The following KNL1 variants were observed in gnomAD, a reference collection of about 807,000 sequenced individuals.
KNL1 encodes outer kinetochore KNL1 complex subunit KNL1.
A neutral mutation model predicts 201.3 loss-of-function variants in KNL1; 66 were observed. The observed-to-expected ratio is 0.33, with a 90% CI of 0.27 to 0.40. KNL1 has a LOEUF of 0.40. Ranked by LOEUF, KNL1 falls within the 10% of genes least tolerant of loss-of-function variation. The pLI, the probability that KNL1 is intolerant of heterozygous loss-of-function variation, is 1.00. For synonymous variants in KNL1, 895 were observed against 899.2 expected, an observed-to-expected ratio of 1.00 and a Z score of 0.08; for missense variants, 2,815 against 2,690.5, an observed-to-expected ratio of 1.05 and a Z score of -1.02.
chr15:40,602,304 T>TTG, intron 1 of KNL1, among the ~76,000 whole-genome samples: 1 of 47,860 alleles, frequency 2.1e-5, no homozygotes, highest in South Asian at 8.8e-4. Context: ...AAGTGCTGTA[T>TTG]TTTTTTTTTT....
intron 21 of KNL1, among the ~76,000 whole-genome samples, chr15:40,652,760 C>CAAA (rs3986318): frequency 0.25 from 29,481 of 116,264 alleles, 4,802 homozygotes; most frequent in Middle Eastern, 0.39. Context: ...AAAACTGTCT[C>CAAA]AAAAAAAAAA....
chr15:40,602,480 CTTTT>C (rs34192317), intron 1 of KNL1, among the ~76,000 whole-genome samples: 11 of 79,144 alleles, frequency 1.4e-4, no homozygotes, highest in Non-Finnish European at 2.3e-4. Context: ...TTTTTCCTTC[CTTTT>C]TTTTTTTTTT....
chr15:40,654,936 A>G lies in KNL1; in HGVS notation c.6443A>G (p.Tyr2148Cys). Residue 2148 changes from tyrosine (Y) to cysteine (C), a missense_variant, in exon 22 of 26, where the codon TAT (tyrosine) becomes TGT (cysteine). Physicochemically the swap from Tyr to Cys is radical, Grantham distance 194. Around this residue, in one of 3 missense-constraint regions of KNL1, gnomAD observed 334 missense variants for 362.6 expected, o/e 0.92. Transcript: ENST00000399668. ...VVGFPFLDKR[Y>C]RKIVDVNFQS... ...GGTTTCCCTTTCCTGGACAAGCGTTATAGGAAGATTGTTGATGTCAATTTT... is the reference window on the plus strand; with the variant it reads ...GGTTTCCCTTTCCTGGACAAGCGTTGTAGGAAGATTGTTGATGTCAATTTT... The G allele has an allele frequency of 2.5e-6, 4 of 1,613,106 alleles. No individual in the cohort carries two copies. Among genetic ancestry groups the G allele is most frequent in the East Asian group, 2.2e-5 (1 of 44,882 alleles).
intron 1 of KNL1, among the ~76,000 whole-genome samples, chr15:40,598,371 A>G (rs1001927594): frequency 6.6e-6 from 1 of 152,006 alleles, no homozygotes; most frequent in Non-Finnish European, 1.5e-5. Context: ...GGAGCTCATG[A>G]CAAGCCTGGG....
At chr15:40,617,306 G>T (rs1444575757) in intron 8 of KNL1, among the ~76,000 whole-genome samples, 3 of 152,160 alleles carry the variant, frequency 2.0e-5, no homozygotes, top group Non-Finnish European at 4.4e-5. Flanking sequence ...ACTCCAGTTT[G>T]CCTATCAGGC....
chr15:40,628,768 A>G, intron 12 of KNL1, 90 bp downstream of exon 12: 2 of 808,318 alleles, frequency 2.5e-6, no homozygotes, highest in Non-Finnish European at 3.8e-6. Context: ...CTTGGTTTAA[A>G]AAATTTTTTT....
At chr15:40,647,642 G>A (rs529128992) in intron 17 of KNL1, among the ~76,000 whole-genome samples, 1 of 152,144 alleles carries the variant, frequency 6.6e-6, no homozygotes, top group African/African-American at 2.4e-5. Flanking sequence ...TATCCTTTCA[G>A]TTTGGTCTTT....
At chr15:40,642,443 T>A (rs1269024920) in intron 14 of KNL1, among the ~76,000 whole-genome samples, 4 of 152,098 alleles carry the variant, frequency 2.6e-5, no homozygotes, top group Admixed American at 1.3e-4. Context: ...AATCAGAAAT[T>A]TAAGATATTT....
At position 40,625,491 on chromosome 15, in the gene KNL1, C is replaced by G; in HGVS notation, c.5227C>G (p.Gln1743Glu). The G allele has an allele frequency of 6.2e-7, 1 of 1,612,542 alleles. No individual in the cohort carries two copies. The highest frequency in any genetic ancestry group is 8.5e-7 in the Non-Finnish European group (1 of 1,179,648). ...GGAAAAGGCCTTGATTGAGACATACCAAAAAGAGATTTCACCATATGAAAA... is the reference window on the plus strand; with the variant it reads ...GGAAAAGGCCTTGATTGAGACATACGAAAAAGAGATTTCACCATATGAAAA... ...TEEKALIETY[Q>E]KEISPYENKM... The change falls in exon 10 of 26, where the codon CAA becomes GAA. Residue 1743 changes from glutamine (Q) to glutamate (E), a missense_variant. By Grantham distance (29) the Gln-to-Glu change is conservative. Transcript: ENST00000399668.
chr15:40,621,580 T>C lies in KNL1; in HGVS notation c.1316T>C (p.Met439Thr). The C allele has an allele frequency of 6.2e-7, 1 of 1,609,606 alleles. No homozygotes were observed. ...TCTAGTTGTAATGATGCCATGGAAA[T>C]GACCAAATGTCTCTCAAATATGAGA... Reference protein sequence around the residue: ...FYSSCNDAMEMTKCLSNMREE... With the variant: ...FYSSCNDAMETTKCLSNMREE... Residue 439 changes from methionine to threonine, a missense_variant, in exon 10 of 26, where the codon ATG becomes ACG. Met to Thr is a moderately conservative substitution (Grantham distance 81). This residue lies in a region of KNL1 where 2,464 missense variants were observed against 2,291.7 expected (regional missense o/e 1.08). Transcript: ENST00000399668.
chr15:40,620,985 A>C lies in KNL1; in HGVS notation c.721A>C (p.Ile241Leu), dbSNP rs776192786. The C allele has an allele frequency of 1.2e-6, 2 of 1,604,116 alleles. No individual in the cohort carries two copies. Among genetic ancestry groups the C allele is most frequent in the African/African-American group, 2.7e-5 (2 of 74,046 alleles). ...TGTGCCTGATAAAGAAAATTTTGAG[A>C]TACCTATTTATTCCAAGGAACCGAA... Reference protein sequence around the residue: ...PDVPDKENFEIPIYSKEPNSA... With the variant: ...PDVPDKENFELPIYSKEPNSA... The change falls in exon 10 of 26, where the codon ATA (isoleucine) becomes CTA (leucine). Residue 241 changes from isoleucine (I) to leucine (L), a missense_variant. Around this residue, in one of 3 missense-constraint regions of KNL1, gnomAD observed 2,464 missense variants for 2,291.7 expected, o/e 1.08. Coordinates refer to ENST00000399668, the MANE Select transcript of KNL1 (RefSeq NM_144508.5).
intron 7 of KNL1, among the ~76,000 whole-genome samples, chr15:40,611,735 TA>T (rs1203811979): frequency 6.6e-6 from 1 of 151,900 alleles, no homozygotes; most frequent in African/African-American, 2.4e-5. Flanking sequence ...TTAACTAATA[TA>T]AAACAATAGA....
Position 40,624,917 on chromosome 15 carries a change from T to C in KNL1, c.4653T>C (p.Val1551=). Reference sequence around the variant, plus strand: ...CAGATCCTGTAATTACATCTAATGTTCCATGTTTTCATAGTATCAAACCAA... The same window carrying C: ...CAGATCCTGTAATTACATCTAATGTCCCATGTTTTCATAGTATCAAACCAA... The part of the protein sequence containing the change: ...EAPDPVITSN[V]PCFHSIKPNL... Residue 1551 remains valine (V), a synonymous_variant, in exon 10 of 26, where the codon GTT becomes GTC. Transcript: ENST00000399668. The C allele has an allele frequency of 1.9e-6, 3 of 1,613,318 alleles. No homozygotes were observed. Among genetic ancestry groups the C allele is most frequent in the South Asian group, 2.2e-5 (2 of 91,070 alleles).
chr15:40,615,508 C>A, intron 8 of KNL1, 130 bp downstream of exon 8: 1 of 274,012 alleles, frequency 3.6e-6, no homozygotes, highest in East Asian at 1.4e-4. Context: ...GGTGCTCACG[C>A]CTGTAATCCC....
chr15:40,601,320 C>A (rs7167417), intron 1 of KNL1, among the ~76,000 whole-genome samples: 119,371 of 152,132 alleles, frequency 0.78, 47,827 homozygotes, highest in Non-Finnish European at 0.85. Context: ...ATAGTCTTCC[C>A]TAAAACTGAT....
chr15:40,639,750 G>A (rs760794699), intron 13 of KNL1, among the ~76,000 whole-genome samples: 48 of 151,880 alleles, frequency 3.2e-4, no homozygotes, highest in Admixed American at 9.8e-4. Flanking sequence ...TTGCAGCCTA[G>A]GTGACAGCTA....
Position 40,624,764 on chromosome 15 carries a change from T to A in KNL1, c.4500T>A (p.Ala1500=), listed in dbSNP as rs1324770174. ...PKILNSEEWF[A]AACKKELKEN... is the part of the protein sequence containing the mutation. ...TACTCAATAGTGAGGAATGGTTTGC[T>A]GCAGCCTGTAAAAAAGAACTGAAGG... is the stretch of plus-strand genomic sequence containing the variant. Residue 1500 remains alanine (A), a synonymous_variant, in exon 10 of 26, where the codon GCT becomes GCA. Coordinates refer to ENST00000399668, the MANE Select transcript of KNL1 (RefSeq NM_144508.5). 1 of 1,613,762 alleles carries A rather than the reference T, an allele frequency of 6.2e-7. No homozygotes were observed. Among genetic ancestry groups the A allele is most frequent in the Non-Finnish European group, 8.5e-7 (1 of 1,179,948 alleles).
intron 13 of KNL1, among the ~76,000 whole-genome samples, chr15:40,632,140 A>G (rs1892927427): frequency 1.3e-5 from 2 of 151,998 alleles, no homozygotes; most frequent in East Asian, 1.9e-4. Flanking sequence ...AATTCTAGCT[A>G]TGTGGGAGGC....
intron 17 of KNL1, among the ~76,000 whole-genome samples, chr15:40,647,882 C>T (rs1446424690): frequency 6.6e-6 from 1 of 152,196 alleles, no homozygotes; most frequent in East Asian, 1.9e-4. Flanking sequence ...AATCCAGCTT[C>T]TCTGTTGGCC....
Sources: gnomAD v4.1 joint callset for allele counts (sites outside exome capture counted in the v4.1 genomes callset) on GRCh38, gnomAD v4.1.1 for gene constraint, gnomAD v4.1.1 regional missense constraint, MANE v1.5 for transcripts, NCBI Gene and HGNC (gene_info 2026-07-23, HGNC 2026-07-21) for gene names.